Variants in ZNF804B observed in about 807,000 individuals in gnomAD.
ZNF804B encodes the protein zinc finger protein 804B.
ZNF804B carries 80 observed loss-of-function variants against 101.4 expected under a neutral mutation model. The observed-to-expected ratio is 0.79, with a 90% CI of 0.66 to 0.95. The LOEUF is 0.95. Among genes scored for constraint, ZNF804B ranks in the 40% least tolerant of loss-of-function variants. ZNF804B has a pLI of 0.00. For synonymous variants in ZNF804B, 622 were observed against 558.8 expected (o/e 1.11, Z -1.59); for missense variants, 1,673 against 1,561.9 (o/e 1.07, Z -1.20).
chr7:89,224,886 T>C (rs11975857), intron 2 of ZNF804B, among the ~76,000 whole-genome samples: 36,240 of 151,898 alleles, frequency 0.24, 4,567 homozygotes, highest in Non-Finnish European at 0.27. Context: ...AATTACTGTC[T>C]GTATCTTAGC....
intron 1 of ZNF804B, among the ~76,000 whole-genome samples, chr7:89,020,735 G>T (rs564283584): frequency 5.3e-5 from 8 of 152,038 alleles, no homozygotes; most frequent in African/African-American, 9.6e-5. Flanking sequence ...AAATCCTGTA[G>T]GCTTTCTTTG....
rs906090220 is a variant in ZNF804B, at chr7:89,199,554, A to C, written c.109-18601A>C. Among the ~76,000 whole-genome samples, 147 of 152,070 alleles carry C rather than the reference A, an allele frequency of 9.7e-4. 1 individual carries two copies. Among genetic ancestry groups the C allele is most frequent in the African/African-American group, 3.4e-3 (140 of 41,542 alleles). Reference sequence around the variant, plus strand: ...AATATATTGGCCTGATGTGTTAGTTACACTTACACATTCATTTAACAGATG... The same window carrying C: ...AATATATTGGCCTGATGTGTTAGTTCCACTTACACATTCATTTAACAGATG... On this transcript the variant is annotated intron_variant, in intron 1 of 3. Transcript: ENST00000333190.
chr7:88,886,100 G>A (rs1467505551), intron 1 of ZNF804B, among the ~76,000 whole-genome samples: 6 of 151,948 alleles, frequency 3.9e-5, no homozygotes, highest in African/African-American at 1.4e-4. Flanking sequence ...TTTAGGAGAC[G>A]AATTAGTTCA....
chr7:89,158,556 A>G (rs1298621477), intron 1 of ZNF804B, among the ~76,000 whole-genome samples: 1 of 149,546 alleles, frequency 6.7e-6, no homozygotes, highest in East Asian at 1.9e-4. Flanking sequence ...TACCTAATTT[A>G]TTTTTATTTT....
intron 1 of ZNF804B, among the ~76,000 whole-genome samples, chr7:89,171,315 T>G (rs899019038): frequency 8.3e-5 from 10 of 120,926 alleles, no homozygotes; most frequent in Admixed American, 3.2e-4. Context: ...TTCTTCTTCT[T>G]CTTCTTCTTC....
At chr7:88,855,726 G>T (rs1447154536) in intron 1 of ZNF804B, among the ~76,000 whole-genome samples, 52 of 152,074 alleles carry the variant, frequency 3.4e-4, no homozygotes, top group Non-Finnish European at 5.2e-4. Context: ...TCTAGGGTTT[G>T]TATGGTTTTA....
chr7:89,010,571 T>A (rs921313414), intron 1 of ZNF804B, among the ~76,000 whole-genome samples: 1 of 152,182 alleles, frequency 6.6e-6, no homozygotes, highest in Admixed American at 6.6e-5. Flanking sequence ...ATTTGCTCAC[T>A]GAAAATAGTT....
intron 1 of ZNF804B, among the ~76,000 whole-genome samples, chr7:89,206,091 G>T (rs1308119920): frequency 6.6e-6 from 1 of 152,200 alleles, no homozygotes; most frequent in Non-Finnish European, 1.5e-5. Flanking sequence ...GCTGTACTTT[G>T]TCCACTTTTA....
At position 88,762,974 on chromosome 7, in the gene ZNF804B, A is replaced by T. The variant is rs191373487; in HGVS notation, c.108+2890A>T. 2.0e-3 allele frequency among the ~76,000 whole-genome samples: 308 copies of T among 152,266 alleles called. 2 individuals are homozygous for T. The highest frequency in any genetic ancestry group is 9.7e-4 in the Non-Finnish European group (66 of 67,980). ...GGTCTTAATATTCAATAAAACAATT[A>T]TTGGTTAAGACTACTTTCTACCTCT... On this transcript the variant is annotated intron_variant, in intron 1 of 3. Transcript: ENST00000333190.
intron 1 of ZNF804B, among the ~76,000 whole-genome samples, chr7:88,833,499 G>A (rs1353852213): frequency 2.0e-5 from 3 of 151,482 alleles, no homozygotes; most frequent in Non-Finnish European, 4.4e-5. Context: ...GAAGAAGGTA[G>A]AAAGTCAGGG....
chr7:89,039,528 T>C (rs1377240502), intron 1 of ZNF804B, among the ~76,000 whole-genome samples: 1 of 152,068 alleles, frequency 6.6e-6, no homozygotes, highest in Non-Finnish European at 1.5e-5. Flanking sequence ...AATTCATATA[T>C]GTTGATTTTG....
intron 1 of ZNF804B, among the ~76,000 whole-genome samples, chr7:88,983,509 C>G (rs1793720220): frequency 6.6e-6 from 1 of 151,748 alleles, no homozygotes; most frequent in South Asian, 2.1e-4. Flanking sequence ...ACTACACTGT[C>G]CAATACTGCA....
In ZNF804B at chr7:89,260,339, T is replaced by C. The variant is rs202201101; in HGVS notation, c.249+42044T>C. On this transcript the variant is annotated intron_variant, in intron 2 of 3. Transcript: ENST00000333190. ...TCTCTTCCTTACTAATAAATGTCCTTTGTGGCACTTTTTTTTTTGAATAAG... is the reference window on the plus strand; with the variant it reads ...TCTCTTCCTTACTAATAAATGTCCTCTGTGGCACTTTTTTTTTTGAATAAG... Among the ~76,000 whole-genome samples, 6 of 149,596 alleles carry C rather than the reference T, an allele frequency of 4.0e-5. No homozygotes were observed. The East Asian group carries it at 1.2e-3, about 29-fold the overall frequency.
At position 88,773,622 on chromosome 7, in the gene ZNF804B, T is replaced by C. The variant is rs893555512; in HGVS notation, c.108+13538T>C. Reference sequence around the variant, plus strand: ...TCATTCTTGTATTGCTATAAAGAAATACCTGAGACTGGGTTATGTATAAAG... The same window carrying C: ...TCATTCTTGTATTGCTATAAAGAAACACCTGAGACTGGGTTATGTATAAAG... On this transcript the variant is annotated intron_variant, in intron 1 of 3. Coordinates refer to ENST00000333190, the MANE Select transcript of ZNF804B (RefSeq NM_181646.5). 7.2e-5 allele frequency among the ~76,000 whole-genome samples: 11 copies of C among 152,172 alleles called. No individual in the cohort carries two copies. The South Asian group carries it at 1.0e-3, about 14-fold the overall frequency.
chr7:89,068,916 G>A (rs1454964831), intron 1 of ZNF804B, among the ~76,000 whole-genome samples: 2 of 152,172 alleles, frequency 1.3e-5, no homozygotes, highest in Non-Finnish European at 2.9e-5. Flanking sequence ...GGCTAGAACT[G>A]AGATGAGTTT....
At chr7:89,005,404 T>G (rs2116180880) in intron 1 of ZNF804B, among the ~76,000 whole-genome samples, 1 of 152,050 alleles carries the variant, frequency 6.6e-6, no homozygotes, top group South Asian at 2.1e-4. Context: ...AATCACAAGG[T>G]CAAGGTCAAA....
chr7:88,776,216 C>T (rs1193731570), intron 1 of ZNF804B, among the ~76,000 whole-genome samples: 7 of 152,186 alleles, frequency 4.6e-5, no homozygotes, highest in Admixed American at 2.6e-4. Context: ...TTACTTTGAT[C>T]ACAGTTGGCT....
At chr7:88,765,653 T>C (rs180869688) in intron 1 of ZNF804B, among the ~76,000 whole-genome samples, 1 of 152,318 alleles carries the variant, frequency 6.6e-6, no homozygotes, top group East Asian at 1.9e-4. Context: ...ATAAAAATGC[T>C]ACTTTGCTTG....
intron 1 of ZNF804B, among the ~76,000 whole-genome samples, chr7:88,896,347 G>GT (rs1333391436): frequency 6.6e-6 from 1 of 152,080 alleles, no homozygotes; most frequent in Non-Finnish European, 1.5e-5. Context: ...TACTGCCTCT[G>GT]GAACTGTTTT....
Sources: gnomAD v4.1 joint callset for allele counts (sites outside exome capture counted in the v4.1 genomes callset) on GRCh38, gnomAD v4.1.1 for gene constraint, MANE v1.5 for transcripts, NCBI Gene and HGNC (gene_info 2026-07-23, HGNC 2026-07-21) for gene names.